The following SIM1 variants were observed in gnomAD, a reference collection of about 807,000 sequenced individuals.
SIM1 encodes the protein SIM bHLH transcription factor 1, also known as single-minded homolog 1.
Under a neutral mutation model 78.2 loss-of-function variants are expected in SIM1, and 18 were observed. The ratio of observed to expected loss-of-function variants is 0.23; its 90% CI spans 0.16 to 0.34. The LOEUF (loss-of-function observed/expected upper bound fraction) is 0.34. Among genes scored for constraint, SIM1 ranks in the 10% least tolerant of loss-of-function variants. The probability of loss-of-function intolerance (pLI) is 1.00; values close to 1 mark genes in which losing one functional copy is unlikely to be tolerated. For missense variants in SIM1, 939 were observed against 975.1 expected, an observed-to-expected ratio of 0.96 and a Z score of 0.49; for synonymous variants, 417 against 385.2, an observed-to-expected ratio of 1.08 and a Z score of -0.97.
Position 100,395,005 on chromosome 6 carries a change from A to G in SIM1, c.1168-1116T>C, listed in dbSNP as rs963646624. The stretch of plus-strand genomic sequence containing the variant: ...GGCATTGCTGTGCCTTGTTGGAATT[A>G]AATGGCTTATCTACTCCCAGACTAT... On this transcript the variant is annotated intron_variant, in intron 10 of 11. Transcript: ENST00000369208. 2.0e-5 allele frequency among the ~76,000 whole-genome samples: 3 copies of G among 152,216 alleles called. No individual in the cohort carries two copies. The East Asian group carries it at 5.8e-4, about 29-fold the overall frequency.
chr6:100,402,047 C>G (rs533085958), intron 10 of SIM1, among the ~76,000 whole-genome samples: 1 of 152,232 alleles, frequency 6.6e-6, no homozygotes, highest in Non-Finnish European at 1.5e-5. Context: ...AGAATAGGAA[C>G]AGACTACCTT....
chr6:100,398,777 T>C (rs1454075647), intron 10 of SIM1, among the ~76,000 whole-genome samples: 3 of 152,146 alleles, frequency 2.0e-5, no homozygotes, highest in Admixed American at 6.5e-5. Flanking sequence ...CTTTAGGGTA[T>C]ATTACCAGAA....
chr6:100,452,597 TG>T (rs1202736905), intron 3 of SIM1, among the ~76,000 whole-genome samples: 1 of 152,142 alleles, frequency 6.6e-6, no homozygotes, highest in Non-Finnish European at 1.5e-5. Flanking sequence ...ACCAGAAATG[TG>T]GCATGAAGAA....
In SIM1 at chr6:100,448,232, T is replaced by C. The variant is rs765968899; in HGVS notation, c.764A>G (p.Tyr255Cys). Residue 255 changes from tyrosine to cysteine, a missense_variant, in exon 8 of 12, where the codon TAC (tyrosine) becomes TGC (cysteine). Tyr to Cys is a radical substitution (Grantham distance 194). This residue lies in a region of SIM1 where 187 missense variants were observed against 191.6 expected (regional missense o/e 0.98). Coordinates refer to ENST00000369208, the MANE Select transcript of SIM1 (RefSeq NM_005068.3). ...CTTCTCAATCAGGTCCTGAGGTTCG[T>C]ACCCCGTCAGCTCCGCCACCCTGAG... is the stretch of plus-strand genomic sequence containing the variant. The part of the protein sequence containing the change: ...LDSRVAELTG[Y>C]EPQDLIEKTL... 6 of 1,613,284 alleles carry C rather than the reference T, an allele frequency of 3.7e-6. No individual in the cohort carries two copies. Among genetic ancestry groups the C allele is most frequent in the Non-Finnish European group, 5.1e-6 (6 of 1,179,766 alleles).
chr6:100,462,528 GCTATT>G (rs1772881851), intron 2 of SIM1: 1 of 152,154 alleles, frequency 6.6e-6, no homozygotes, highest in Non-Finnish European at 1.5e-5. Flanking sequence ...CAACAGCTCA[GCTATT>G]CTAACTTCTA....
intron 10 of SIM1, among the ~76,000 whole-genome samples, chr6:100,408,642 A>G (rs1771111982): frequency 6.6e-6 from 1 of 152,126 alleles, no homozygotes; most frequent in Non-Finnish European, 1.5e-5. Flanking sequence ...ATTTTATCAA[A>G]TGCTTTTTCA....
intron 10 of SIM1, among the ~76,000 whole-genome samples, chr6:100,398,017 T>G (rs555764787): frequency 6.6e-6 from 1 of 152,188 alleles, no homozygotes; most frequent in Admixed American, 6.5e-5. Flanking sequence ...ACAACACCAA[T>G]TGCTGGCAAA....
At chr6:100,432,554 T>A (rs912816283) in intron 9 of SIM1, among the ~76,000 whole-genome samples, 5 of 152,024 alleles carry the variant, frequency 3.3e-5, no homozygotes, top group Non-Finnish European at 7.4e-5. Flanking sequence ...AAGGCGTACC[T>A]CACTGCATAT....
chr6:100,453,632 T>A (rs920463772), intron 3 of SIM1, 130 bp downstream of exon 3: 4 of 712,710 alleles, frequency 5.6e-6, no homozygotes, highest in Non-Finnish European at 6.9e-6. Context: ...GCAGTCCGGA[T>A]CCCTGTTTTT....
chr6:100,430,298 A>G (rs1184661618), intron 9 of SIM1, among the ~76,000 whole-genome samples: 1 of 152,174 alleles, frequency 6.6e-6, no homozygotes, highest in Non-Finnish European at 1.5e-5. Flanking sequence ...CATTCGACAG[A>G]TCTGATATTC....
rs1377045192 is a variant in SIM1, at chr6:100,387,082, G to A, written c.*3279C>T. The stretch of plus-strand genomic sequence containing the variant: ...TAAAGTAGGTATGGCAGGTGAAATG[G>A]GCAATAAAGATACTTATTATCACTA... On this transcript the variant is annotated 3_prime_UTR_variant, in exon 12 of 12. Transcript: ENST00000369208. 6.6e-6 allele frequency: 1 copy of A among 151,838 alleles called. No homozygotes were observed. Among genetic ancestry groups the A allele is most frequent in the Non-Finnish European group, 1.5e-5 (1 of 67,878 alleles). 9.4% of individuals were successfully genotyped at this position (151,838 alleles called of 1,614,324 possible). A position where few individuals can be genotyped will look rare whatever the true frequency, so the allele number is the denominator to read the frequency against.
chr6:100,448,456 C>T, intron 7 of SIM1, 23 bp downstream of exon 7: 1 of 1,610,650 alleles, frequency 6.2e-7, no homozygotes, highest in Non-Finnish European at 8.5e-7. Flanking sequence ...TAGGAGAGGC[C>T]CTTTCCGGCC....
At chr6:100,441,536 T>C (rs1478307018) in intron 9 of SIM1, among the ~76,000 whole-genome samples, 3 of 152,228 alleles carry the variant, frequency 2.0e-5, no homozygotes, top group African/African-American at 4.8e-5. Flanking sequence ...CGGTTAACTC[T>C]TTTGTTTAGC....
chr6:100,445,179 A>T (rs1432659816), intron 9 of SIM1, among the ~76,000 whole-genome samples: 1 of 152,306 alleles, frequency 6.6e-6, no homozygotes, highest in South Asian at 2.1e-4. Flanking sequence ...CAACCTGTTC[A>T]TTATGAAAAT....
intron 9 of SIM1, among the ~76,000 whole-genome samples, chr6:100,436,923 C>T (rs751649843): frequency 1.2e-4 from 18 of 151,532 alleles, no homozygotes; most frequent in Non-Finnish European, 1.9e-4. Flanking sequence ...ATTTTAGTAA[C>T]GACGGGGTTT....
chr6:100,440,479 C>CA (rs1191012645), intron 9 of SIM1, among the ~76,000 whole-genome samples: 5 of 152,210 alleles, frequency 3.3e-5, no homozygotes, highest in Admixed American at 6.5e-5. Flanking sequence ...CAATGCCCCA[C>CA]AAAGTAACTT....
intron 9 of SIM1, among the ~76,000 whole-genome samples, chr6:100,424,422 A>AG (rs1464244850): frequency 6.6e-6 from 1 of 151,600 alleles, no homozygotes; most frequent in Non-Finnish European, 1.5e-5. Context: ...GATTTGGTGA[A>AG]TTTTTTTATT....
chr6:100,391,961 T>C (rs1233363257), intron 11 of SIM1, among the ~76,000 whole-genome samples: 1 of 152,080 alleles, frequency 6.6e-6, no homozygotes, highest in Non-Finnish European at 1.5e-5. Flanking sequence ...TTACCTGAGG[T>C]CAGGAGTTCA....
chr6:100,454,518 C>A (rs182302274), intron 2 of SIM1, among the ~76,000 whole-genome samples: 4 of 152,294 alleles, frequency 2.6e-5, no homozygotes, highest in East Asian at 1.9e-4. Flanking sequence ...CTACCCACCC[C>A]CCTACCACCA....
Sources: gnomAD v4.1 joint callset for allele counts (sites outside exome capture counted in the v4.1 genomes callset) on GRCh38, gnomAD v4.1.1 for gene constraint, gnomAD v4.1.1 regional missense constraint, MANE v1.5 for transcripts, NCBI Gene and HGNC (gene_info 2026-07-23, HGNC 2026-07-21) for gene names.